The following SGCD variants were observed in gnomAD, a reference collection of about 807,000 sequenced individuals.
SGCD encodes the protein delta-sarcoglycan.
A neutral mutation model predicts 36.6 loss-of-function variants in SGCD; 18 were observed. The observed-to-expected ratio is 0.49, with a 90% CI of 0.34 to 0.73. The LOEUF (loss-of-function observed/expected upper bound fraction) is 0.73, where lower values mean the gene tolerates loss of function less well. Ranked by LOEUF, SGCD falls within the 30% of genes least tolerant of loss-of-function variation. The probability of loss-of-function intolerance (pLI) is 0.01; values close to 1 mark genes in which losing one functional copy is unlikely to be tolerated. For missense variants in SGCD, 387 were observed against 346.7 expected (o/e 1.12, Z -0.92); for synonymous variants, 133 against 130.6 (o/e 1.02, Z -0.12).
intron 7 of SGCD, among the ~76,000 whole-genome samples, chr5:156,717,742 C>G (rs1476120929): frequency 6.6e-6 from 1 of 152,190 alleles, no homozygotes; most frequent in African/African-American, 2.4e-5. Flanking sequence ...CAACTGGGGA[C>G]AGCCCCTCCA....
chr5:156,346,396 T>A (rs1768941683), intron 3 of SGCD, among the ~76,000 whole-genome samples: 1 of 152,122 alleles, frequency 6.6e-6, no homozygotes, highest in Non-Finnish European at 1.5e-5. Flanking sequence ...ACTCCTGGGC[T>A]CAAGCAATCC....
At chr5:156,701,136 T>C (rs1420846298) in intron 7 of SGCD, among the ~76,000 whole-genome samples, 1 of 152,154 alleles carries the variant, frequency 6.6e-6, no homozygotes, top group Non-Finnish European at 1.5e-5. Flanking sequence ...ACTGCAGATT[T>C]GTATGTGTGG....
At chr5:156,565,296 T>C (rs2113262526) in intron 4 of SGCD, among the ~76,000 whole-genome samples, 1 of 152,310 alleles carries the variant, frequency 6.6e-6, no homozygotes, top group East Asian at 1.9e-4. Context: ...CTTAGGGAAA[T>C]GTGATTTGAC....
intron 4 of SGCD, among the ~76,000 whole-genome samples, chr5:156,560,471 A>T (rs556627413): frequency 6.6e-6 from 1 of 152,276 alleles, no homozygotes; most frequent in Admixed American, 6.5e-5. Context: ...TGTTGACATG[A>T]GGTTTCCATA....
intron 1 of SGCD, among the ~76,000 whole-genome samples, chr5:155,987,500 T>G (rs761286695): frequency 7.2e-5 from 11 of 152,186 alleles, no homozygotes; most frequent in Non-Finnish European, 1.5e-4. Context: ...TGCTGCCAAT[T>G]ATCTATCTCT....
In SGCD at chr5:156,019,980, C is replaced by T. The variant is rs540340113; in HGVS notation, c.-281-97898C>T. 2.6e-5 allele frequency among the ~76,000 whole-genome samples: 4 copies of T among 152,298 alleles called. No individual in the cohort carries two copies. In the South Asian group the frequency reaches 8.3e-4, roughly 32 times the overall value. On this transcript the variant is annotated intron_variant, in intron 1 of 9. Coordinates refer to the SGCD transcript ENST00000517913. ...TTCTGGCAGCTGCAAACTCTTACCT[C>T]ACCCTGGGCATGTCCACACGTTATT...
intron 2 of SGCD, among the ~76,000 whole-genome samples, chr5:156,338,236 A>C (rs191863102): frequency 6.6e-6 from 1 of 152,220 alleles, no homozygotes; most frequent in Non-Finnish European, 1.5e-5. Context: ...GGTAATGTAG[A>C]TACTGTAACT....
intron 1 of SGCD, among the ~76,000 whole-genome samples, chr5:156,044,663 C>T (rs768366679): frequency 5.9e-5 from 9 of 151,912 alleles, no homozygotes; most frequent in Admixed American, 6.6e-5. Flanking sequence ...TTCTATAAAC[C>T]GACAGAATTT....
chr5:155,782,903 G>A, the SGCD span, among the ~76,000 whole-genome samples: 14 of 152,138 alleles, frequency 9.2e-5, no homozygotes, highest in Non-Finnish European at 1.3e-4. Flanking sequence ...CATGAAACCA[G>A]TCCCTGGTGC....
intron 3 of SGCD, among the ~76,000 whole-genome samples, chr5:156,286,076 C>T (rs1766588964): frequency 6.6e-6 from 1 of 152,168 alleles, no homozygotes; most frequent in Non-Finnish European, 1.5e-5. Flanking sequence ...TCAAAAAATG[C>T]TCATCAGCAC....
chr5:156,302,285 T>C (rs1222582353), intron 3 of SGCD, among the ~76,000 whole-genome samples: 1 of 152,032 alleles, frequency 6.6e-6, no homozygotes, highest in Non-Finnish European at 1.5e-5. Flanking sequence ...GCTTGATCAG[T>C]TCTGTTGTTG....
At chr5:155,965,816 C>A (rs1348414149) in intron 1 of SGCD, among the ~76,000 whole-genome samples, 1 of 152,082 alleles carries the variant, frequency 6.6e-6, no homozygotes, top group East Asian at 1.9e-4. Context: ...TCACTAGAAG[C>A]AAGGAGCCCC....
At chr5:156,571,909 A>G (rs1479052354) in intron 4 of SGCD, among the ~76,000 whole-genome samples, 1 of 152,098 alleles carries the variant, frequency 6.6e-6, no homozygotes, top group Non-Finnish European at 1.5e-5. Flanking sequence ...TTCAGCAATC[A>G]CTTTTATCTC....
At chr5:156,509,494 G>A (rs1291619566) in intron 4 of SGCD, among the ~76,000 whole-genome samples, 2 of 152,270 alleles carry the variant, frequency 1.3e-5, no homozygotes, top group African/African-American at 4.8e-5. Flanking sequence ...TACAGAGTGT[G>A]TACCCTGTTC....
At chr5:155,942,895 TA>T (rs1289904729) in intron 1 of SGCD, among the ~76,000 whole-genome samples, 1 of 152,216 alleles carries the variant, frequency 6.6e-6, no homozygotes, top group Non-Finnish European at 1.5e-5. Context: ...TTCAACCATG[TA>T]GAGTACAATG....
intron 3 of SGCD, among the ~76,000 whole-genome samples, chr5:156,229,956 G>C (rs1764973531): frequency 6.6e-6 from 1 of 152,148 alleles, no homozygotes; most frequent in Non-Finnish European, 1.5e-5. Context: ...TTCTATTGCT[G>C]AGACTTTACA....
chr5:156,396,549 G>A (rs1350528529), intron 3 of SGCD, among the ~76,000 whole-genome samples: 1 of 152,162 alleles, frequency 6.6e-6, no homozygotes, highest in Non-Finnish European at 1.5e-5. Context: ...GGGATGCTGA[G>A]CTTTCTGCCA....
the SGCD span, among the ~76,000 whole-genome samples, chr5:155,764,993 G>A: frequency 6.6e-6 from 1 of 152,092 alleles, no homozygotes; most frequent in South Asian, 2.1e-4. Flanking sequence ...AAAGAGAGTA[G>A]CATGGGTTAA....
At position 155,900,370 on chromosome 5, in the gene SGCD, C is replaced by T. The variant is rs1053723907; in HGVS notation, c.-282+29946C>T. 5.9e-5 allele frequency among the ~76,000 whole-genome samples: 9 copies of T among 151,816 alleles called. 1 individual carries two copies. Among genetic ancestry groups the T allele is most frequent in the Non-Finnish European group, 2.9e-5 (2 of 67,976 alleles). The stretch of plus-strand genomic sequence containing the variant: ...ATTAAAAACAATAGCAGCAAGATAA[C>T]CATGGCTTCCCCCAACCCTACACAC... On this transcript the variant is annotated intron_variant, in intron 1 of 9. Coordinates refer to the SGCD transcript ENST00000517913.
Sources: allele counts gnomAD v4.1 joint callset (sites outside exome capture counted in the v4.1 genomes callset), GRCh38; gene constraint gnomAD v4.1.1; transcripts MANE v1.5; gene names NCBI Gene and HGNC (gene_info 2026-07-23, HGNC 2026-07-21).